The following SEMA3D variants were observed in gnomAD, a reference collection of about 807,000 sequenced individuals.
SEMA3D encodes semaphorin-3D.
In SEMA3D, 84 loss-of-function variants were observed where a neutral mutation model predicts 100.1. The ratio of observed to expected loss-of-function variants is 0.84; its 90% confidence interval spans 0.70 to 1.01. The LOEUF is 1.01. Among genes scored for constraint, SEMA3D ranks in the 50% least tolerant of loss-of-function variants. The pLI is 0.00. For missense variants in SEMA3D, 875 were observed against 934.1 expected, an observed-to-expected ratio of 0.94 and a Z score of 0.82; for synonymous variants, 312 against 320.7, an observed-to-expected ratio of 0.97 and a Z score of 0.29.
chr7:84,998,393 A>G lies in SEMA3D; in HGVS notation c.*1047T>C, dbSNP rs1300347895. On this transcript the variant is annotated 3_prime_UTR_variant, in exon 19 of 19. Transcript: ENST00000284136. ...ATGTCTACTCTTCCTATGATTCTTC[A>G]GAAGAATTTATGTTTCCTCAGATTT... 6.6e-6 allele frequency: 1 copy of G among 152,150 alleles called. No homozygotes were observed. The highest frequency in any genetic ancestry group is 1.9e-4 in the East Asian group (1 of 5,194). 9.4% of individuals were successfully genotyped at this position (152,150 alleles called of 1,614,324 possible).
intron 9 of SEMA3D, among the ~76,000 whole-genome samples, chr7:85,043,643 T>A (rs1790923796): frequency 6.6e-6 from 1 of 152,092 alleles, no homozygotes; most frequent in Admixed American, 6.6e-5. Context: ...CCACATGTTG[T>A]GGGAGGGACT....
chr7:85,027,943 C>T, intron 12 of SEMA3D: 1 of 588,124 alleles, frequency 1.7e-6, no homozygotes, highest in South Asian at 1.4e-5. Context: ...CGAACCATGC[C>T]AAACTATGTC....
chr7:85,115,790 C>A (rs1448436616), intron 3 of SEMA3D, among the ~76,000 whole-genome samples: 1 of 152,094 alleles, frequency 6.6e-6, no homozygotes, highest in South Asian at 2.1e-4. Flanking sequence ...TGCCCCCCAA[C>A]AACAAAGGCA....
chr7:85,141,193 T>C (rs1790041214), intron 2 of SEMA3D: 14 of 983,748 alleles, frequency 1.4e-5, no homozygotes, highest in African/African-American at 1.7e-5. Flanking sequence ...TCATTTTTAA[T>C]ATAGCACACA....
chr7:85,023,365 A>G (rs1201664450), intron 12 of SEMA3D, among the ~76,000 whole-genome samples: 1 of 151,854 alleles, frequency 6.6e-6, no homozygotes, highest in Non-Finnish European at 1.5e-5. Flanking sequence ...CCTTATAATT[A>G]GACTTTTTTT....
At chr7:85,248,953 G>C in the SEMA3D span, among the ~76,000 whole-genome samples, 1 of 152,134 alleles carries the variant, frequency 6.6e-6, no homozygotes, top group Non-Finnish European at 1.5e-5. Context: ...AACACCAAGA[G>C]TGAACCCAAA....
chr7:85,141,610 T>C, intron 2 of SEMA3D: 1 of 984,418 alleles, frequency 1.0e-6, no homozygotes, highest in Non-Finnish European at 1.2e-6. Flanking sequence ...TCTCTATAAA[T>C]CATTTCTGGC....
intron 2 of SEMA3D, chr7:85,140,798 C>T (rs1426372839): frequency 2.1e-6 from 2 of 933,558 alleles, no homozygotes; most frequent in East Asian, 1.2e-4. Flanking sequence ...TTAATTATTC[C>T]ATTAATAATA....
chr7:85,165,643 T>G (rs1388164342), intron 1 of SEMA3D, among the ~76,000 whole-genome samples: 2 of 152,106 alleles, frequency 1.3e-5, no homozygotes, highest in African/African-American at 4.8e-5. Context: ...ACCTGTGATT[T>G]TTCAATATCT....
chr7:85,031,523 T>A (rs1790549161), intron 12 of SEMA3D, among the ~76,000 whole-genome samples: 1 of 151,960 alleles, frequency 6.6e-6, no homozygotes, highest in South Asian at 2.1e-4. Flanking sequence ...AAAAATAGCA[T>A]AAAGTTCTGT....
In SEMA3D at chr7:85,073,034, A is replaced by C; in HGVS notation, c.423T>G (p.Thr141=). 1.2e-6 allele frequency: 2 copies of C among 1,609,672 alleles called. No homozygotes were observed. Among genetic ancestry groups the C allele is most frequent in the African/African-American group, 2.7e-5 (2 of 74,934 alleles). ...FIRVLQPYNK[T]HIYVCGTGAF... is the part of the protein sequence containing the mutation. ...CTCCAGTTCCACACACATATATGTGAGTTTTGTTATAGGGCTGAAGTACTC... is the reference window on the plus strand; with the variant it reads ...CTCCAGTTCCACACACATATATGTGCGTTTTGTTATAGGGCTGAAGTACTC... The change falls in exon 6 of 19, where the codon ACT becomes ACG. Residue 141 remains threonine (T), a synonymous_variant. Transcript: ENST00000284136.
intron 10 of SEMA3D, chr7:85,041,516 T>A (rs1210866253): frequency 6.6e-6 from 1 of 152,210 alleles, no homozygotes. Context: ...CAATGTATAC[T>A]TTAAGTTGGA....
chr7:85,101,450 C>T (rs1460160806), intron 3 of SEMA3D, among the ~76,000 whole-genome samples: 2 of 151,994 alleles, frequency 1.3e-5, no homozygotes, highest in Non-Finnish European at 2.9e-5. Context: ...GCCACCAGGG[C>T]ATTATCCTGC....
intron 8 of SEMA3D, 123 bp from the exon 9 acceptor site, chr7:85,055,982 A>T: frequency 4.0e-6 from 2 of 498,178 alleles, no homozygotes; most frequent in Non-Finnish European, 7.2e-6. Flanking sequence ...TATAAGCCAG[A>T]TGTGGGAAAT....
At chr7:85,017,121 T>C (rs1562784260) in intron 15 of SEMA3D, among the ~76,000 whole-genome samples, 1 of 151,748 alleles carries the variant, frequency 6.6e-6, no homozygotes, top group East Asian at 2.0e-4. Context: ...CTTCACACTT[T>C]TGCAAAGATT....
intron 2 of SEMA3D, among the ~76,000 whole-genome samples, chr7:85,131,963 A>G (rs1213589871): frequency 6.6e-6 from 1 of 151,966 alleles, no homozygotes; most frequent in East Asian, 1.9e-4. Context: ...TAGGAACCTC[A>G]CATAATTTAT....
intron 11 of SEMA3D, 115 bp downstream of exon 11, chr7:85,040,558 A>G (rs1294121700): frequency 1.6e-6 from 1 of 630,960 alleles, no homozygotes; most frequent in East Asian, 3.0e-5. Flanking sequence ...GTAAAATGAA[A>G]AAAAAAGTTT....
chr7:85,246,774 GA>G, the SEMA3D span, among the ~76,000 whole-genome samples: 1 of 151,932 alleles, frequency 6.6e-6, no homozygotes, highest in East Asian at 1.9e-4. Flanking sequence ...GTAACCTAAA[GA>G]AATTCTTTTA....
chr7:85,092,644 CTATT>C (rs1400092250), intron 4 of SEMA3D, among the ~76,000 whole-genome samples: 1 of 151,854 alleles, frequency 6.6e-6, no homozygotes, highest in Non-Finnish European at 1.5e-5. Flanking sequence ...TGTACATTAA[CTATT>C]TAGTGAATAA....
Sources: allele counts gnomAD v4.1 joint callset (sites outside exome capture counted in the v4.1 genomes callset), GRCh38; gene constraint gnomAD v4.1.1; transcripts MANE v1.5; gene names NCBI Gene and HGNC (gene_info 2026-07-23, HGNC 2026-07-21).